MYPN: variants seen among roughly 807,000 people sequenced by gnomAD.
MYPN encodes sarcomeric protein myopalladin, 145 kDa (MYOP).
In MYPN, 63 loss-of-function variants were observed where a neutral mutation model predicts 129.4. The observed-to-expected ratio is 0.49, with a 90% CI of 0.40 to 0.60. The LOEUF is 0.60. MYPN is among the 20% of genes least tolerant of loss of function. The pLI is 0.00. For synonymous variants in MYPN, 629 were observed against 600.9 expected (o/e 1.05, Z -0.68); for missense variants, 1,596 against 1,635.4 (o/e 0.98, Z 0.42).
At chr10:68,184,247 C>T (rs1221571152) in intron 12 of MYPN, among the ~76,000 whole-genome samples, 3 of 152,188 alleles carry the variant, frequency 2.0e-5, no homozygotes, top group Admixed American at 2.0e-4. Flanking sequence ...TGGAAACAGA[C>T]TATGTGAGAG....
rs1286901592 is a variant in MYPN, at chr10:68,199,372, G to A, written c.3290G>A (p.Ser1097Asn). 6.2e-7 allele frequency: 1 copy of A among 1,613,920 alleles called. No individual in the cohort carries two copies. The highest frequency in any genetic ancestry group is 1.1e-5 in the South Asian group (1 of 91,072). Residue 1097 changes from serine to asparagine, a missense_variant, in exon 17 of 20, where the codon AGT becomes AAT. Coordinates refer to ENST00000358913, the MANE Select transcript of MYPN (RefSeq NM_032578.4). ...GRLCRLDCKV[S>N]GLPPPELTWL... ...AGCTGTTCTGTTGTTTATTAGGTGA[G>A]TGGTTTACCGCCCCCGGAGCTGACA... is the stretch of plus-strand genomic sequence containing the variant.
At chr10:68,100,674 T>C (rs549883388) in intron 1 of MYPN, among the ~76,000 whole-genome samples, 1 of 152,136 alleles carries the variant, frequency 6.6e-6, no homozygotes, top group Non-Finnish European at 1.5e-5. Flanking sequence ...CGAAAACACC[T>C]CTTATTAGCA....
chr10:68,101,956 C>G (rs1372577780), upstream of MYPN, among the ~76,000 whole-genome samples: 1 of 151,978 alleles, frequency 6.6e-6, no homozygotes, highest in Non-Finnish European at 1.5e-5. Flanking sequence ...CATTTTTCTC[C>G]TAACAGGAAA....
At chr10:68,204,725 C>CAAA (rs33973275) in intron 18 of MYPN, among the ~76,000 whole-genome samples, 32,986 of 88,704 alleles carry the variant, frequency 0.37, 5,801 homozygotes, top group Non-Finnish European at 0.44. Context: ...GACTCTGTCT[C>CAAA]AAAAAAAAAA....
At chr10:68,168,446 GTT>G (rs2043087273) in intron 10 of MYPN, among the ~76,000 whole-genome samples, 1 of 152,202 alleles carries the variant, frequency 6.6e-6, no homozygotes, top group Admixed American at 6.5e-5. Context: ...ATTTAAAGAG[GTT>G]TATTCTAAGT....
chr10:68,156,080 T>G (rs1217904046), intron 6 of MYPN, among the ~76,000 whole-genome samples: 1 of 152,246 alleles, frequency 6.6e-6, no homozygotes, highest in African/African-American at 2.4e-5. Flanking sequence ...CTCATATATC[T>G]GAGCTCAACT....
chr10:68,104,368 C>G (rs976650520), upstream of MYPN, among the ~76,000 whole-genome samples: 1 of 152,190 alleles, frequency 6.6e-6, no homozygotes, highest in Non-Finnish European at 1.5e-5. Flanking sequence ...TTTCCTACCC[C>G]TAACTTGTAA....
chr10:68,116,462 G>C (rs993167330), intron 1 of MYPN, among the ~76,000 whole-genome samples: 1 of 152,170 alleles, frequency 6.6e-6, no homozygotes, highest in Non-Finnish European at 1.5e-5. Context: ...ATTTAGTGTT[G>C]GAGCTGGGAT....
upstream of MYPN, among the ~76,000 whole-genome samples, chr10:68,108,795 C>G (rs2042043091): frequency 6.6e-6 from 1 of 152,068 alleles, no homozygotes; most frequent in African/African-American, 2.4e-5. Context: ...GATCTCGGCT[C>G]ACCGCAACCT....
At chr10:68,105,348 T>C (rs1190014498), upstream of MYPN, among the ~76,000 whole-genome samples, 1 of 152,226 alleles carries the variant, frequency 6.6e-6, no homozygotes, top group Admixed American at 6.5e-5. Flanking sequence ...CCTAGCATAG[T>C]GCCTCGCACA....
upstream of MYPN, among the ~76,000 whole-genome samples, chr10:68,109,012 C>T (rs561020228): frequency 1.3e-5 from 2 of 152,268 alleles, no homozygotes; most frequent in Non-Finnish European, 2.9e-5. Context: ...TGAGCCACTG[C>T]GCCCAGCCAA....
upstream of MYPN, among the ~76,000 whole-genome samples, chr10:68,102,435 C>G (rs1432562129): frequency 6.6e-6 from 1 of 152,106 alleles, no homozygotes; most frequent in East Asian, 1.9e-4. Flanking sequence ...CTGTGCTTCT[C>G]TTATTTTTAT....
rs1227573298 is a variant in MYPN, at chr10:68,174,345, T to C, written c.2253T>C (p.Pro751=). ...CGGTGTTCACTTTGAGCAGCACTCC[T>C]CAAACTATTCAGAGGACAGTGAGCA... is the stretch of plus-strand genomic sequence containing the variant. ...SSPVFTLSST[P]QTIQRTVSKE... The change falls in exon 11 of 20, where the codon CCT becomes CCC. Residue 751 remains proline, a synonymous_variant. Coordinates refer to ENST00000358913, the MANE Select transcript of MYPN (RefSeq NM_032578.4). 3.1e-6 allele frequency: 5 copies of C among 1,614,040 alleles called. No homozygotes were observed. The highest frequency in any genetic ancestry group is 4.2e-6 in the Non-Finnish European group (5 of 1,180,014).
rs1193518103 is a variant in MYPN, at chr10:68,210,502, A to C, written c.*47A>C. 6.2e-6 allele frequency: 10 copies of C among 1,606,466 alleles called. No homozygotes were observed. In the South Asian group the frequency reaches 9.9e-5, roughly 16 times the overall value. ...GTAAGAGAGCGGACTGTGGAGGGGG[A>C]ATGAGAACAAGCCAGACTTGGTGGT... is the stretch of plus-strand genomic sequence containing the variant. On this transcript the variant is annotated 3_prime_UTR_variant, in exon 20 of 20. Transcript: ENST00000358913.
intron 13 of MYPN, 93 bp from the exon 14 acceptor site, chr10:68,194,270 A>G (rs1589606955): frequency 7.5e-7 from 1 of 1,337,230 alleles, no homozygotes; most frequent in East Asian, 2.5e-5. Flanking sequence ...CACTTAAAAG[A>G]TGGCAGTTGG....
intron 1 of MYPN, among the ~76,000 whole-genome samples, chr10:68,093,590 A>AG (rs915983980): frequency 6.7e-6 from 1 of 150,256 alleles, no homozygotes; most frequent in Non-Finnish European, 1.5e-5. Context: ...AAAAAAAAAA[A>AG]AAAAGAAATA....
At chr10:68,091,675 C>T (rs1412765816) in intron 1 of MYPN, among the ~76,000 whole-genome samples, 1 of 151,724 alleles carries the variant, frequency 6.6e-6, no homozygotes, top group Non-Finnish European at 1.5e-5. Flanking sequence ...GGATTATAGG[C>T]ATGAGCAACT....
In MYPN at chr10:68,172,225, C is replaced by T. The variant is rs117716365; in HGVS notation, c.1974-1841C>T. On this transcript the variant is annotated intron_variant, in intron 10 of 19. Coordinates refer to ENST00000358913, the MANE Select transcript of MYPN (RefSeq NM_032578.4). ...TAAAAAATTGCTGGGTGTGGAGGCA[C>T]GCACCTGTGGTCCCAGCTACTTGGG... Among the ~76,000 whole-genome samples the T allele has an allele frequency of 9.8e-3, 1,488 of 152,130 alleles. 16 individuals are homozygous for T. The highest frequency in any genetic ancestry group is 0.014 in the Non-Finnish European group (967 of 68,004).
intron 1 of MYPN, among the ~76,000 whole-genome samples, chr10:68,095,553 A>G (rs2041952773): frequency 6.6e-6 from 1 of 152,190 alleles, no homozygotes; most frequent in Admixed American, 6.5e-5. Flanking sequence ...GAACCAGCCT[A>G]ATGTGGATCC....
Sources: gnomAD v4.1 joint callset for allele counts (sites outside exome capture counted in the v4.1 genomes callset) on GRCh38, gnomAD v4.1.1 for gene constraint, MANE v1.5 for transcripts, NCBI Gene and HGNC (gene_info 2026-07-23, HGNC 2026-07-21) for gene names.